The following HEXD variants were observed in gnomAD, a reference collection of about 807,000 sequenced individuals.
HEXD encodes the protein N-acetyl-beta-galactosaminidase.
HEXD carries 47 observed loss-of-function variants against 54.2 expected under a neutral mutation model. The ratio of observed to expected loss-of-function variants is 0.87; its 90% CI spans 0.69 to 1.11. The LOEUF (loss-of-function observed/expected upper bound fraction) is 1.11, where lower values mean the gene tolerates loss of function less well. HEXD is among the 50% of genes least tolerant of loss of function. The pLI is 0.00. For synonymous variants in HEXD, 293 were observed against 287.6 expected, an observed-to-expected ratio of 1.02 and a Z score of -0.19; for missense variants, 576 against 649.2, an observed-to-expected ratio of 0.89 and a Z score of 1.23.
Position 82,435,732 on chromosome 17 carries a change from A to G in HEXD, c.491A>G (p.Gln164Arg), listed in dbSNP as rs775988654. 1 of 1,612,772 alleles carries G rather than the reference A, an allele frequency of 6.2e-7. No individual in the cohort carries two copies. Among genetic ancestry groups the G allele is most frequent in the African/African-American group, 1.3e-5 (1 of 74,926 alleles). Residue 164 changes from glutamine (Q) to arginine (R), a missense_variant, in exon 6 of 13, where the codon CAG (glutamine) becomes CGG (arginine). Physicochemically the swap from Gln to Arg is conservative, Grantham distance 43. Coordinates refer to ENST00000327949, the MANE Select transcript of HEXD (RefSeq NM_001330542.2). Reference sequence around the variant, plus strand: ...GGGGAGGCCTCGCGCCGGTGGCTACAGCAAGAGCAGAACAGCACGGGGAAG... The same window carrying G: ...GGGGAGGCCTCGCGCCGGTGGCTACGGCAAGAGCAGAACAGCACGGGGAAG... ...GEGEASRRWLQQEQNSTGKLC... is the reference protein window; with the variant it reads ...GEGEASRRWLRQEQNSTGKLC...
intron 4 of HEXD, 142 bp from the exon 5 acceptor site, chr17:82,433,516 G>T (rs2053670529): frequency 1.4e-6 from 1 of 733,276 alleles, no homozygotes; most frequent in Non-Finnish European, 2.1e-6. Context: ...CCCACAAGGT[G>T]CTGGGATTAC....
intron 9 of HEXD, chr17:82,440,293 G>A (rs1267771035): frequency 4.7e-5 from 60 of 1,272,420 alleles, no homozygotes; most frequent in East Asian, 1.1e-4. Flanking sequence ...CGCGGAGAGC[G>A]GGACCCGCAG....
At position 82,433,810 on chromosome 17, in the gene HEXD, C is replaced by T. The variant is rs755432793; in HGVS notation, c.435C>T (p.Ile145=). The T allele has an allele frequency of 3.5e-5, 57 of 1,612,010 alleles. No homozygotes were observed. The highest frequency in any genetic ancestry group is 1.6e-4 in the Middle Eastern group (1 of 6,076). The change falls in exon 5 of 13, where the codon ATC becomes ATT. Residue 145 remains isoleucine (I), a synonymous_variant. Transcript: ENST00000327949. ...ACCCAGGCGCCCAGCGGCTGCACATCGGGTGTGATGAGGTGGGTACTGTCA... is the reference window on the plus strand; with the variant it reads ...ACCCAGGCGCCCAGCGGCTGCACATTGGGTGTGATGAGGTGGGTACTGTCA... The part of the protein sequence containing the change: ...ELHPGAQRLH[I]GCDEVYYLGE...
intron 4 of HEXD, among the ~76,000 whole-genome samples, chr17:82,432,616 G>A (rs538431914): frequency 8.4e-4 from 127 of 151,932 alleles, no homozygotes; most frequent in Non-Finnish European, 1.4e-3. Flanking sequence ...TCACTCTGTC[G>A]CCCAGGCTGG....
intron 9 of HEXD, chr17:82,440,448 G>C: frequency 1.6e-6 from 1 of 622,388 alleles, no homozygotes; most frequent in Non-Finnish European, 2.3e-6. Context: ...CTAAAGAGCT[G>C]TGTTAATATT....
At chr17:82,437,106 G>A (rs2053792258) in intron 7 of HEXD, 62 bp from the exon 8 acceptor site, 12 of 1,416,920 alleles carry the variant, frequency 8.5e-6, no homozygotes, top group Admixed American at 2.0e-5. Flanking sequence ...CCCGGGAGGC[G>A]TGTCCAGGGC....
chr17:82,435,950 T>TA (rs2053749761), intron 6 of HEXD, 78 bp downstream of exon 6: 3 of 1,444,588 alleles, frequency 2.1e-6, no homozygotes, highest in Non-Finnish European at 2.8e-6. Context: ...GAAGGTGCTG[T>TA]AGGAAGTGGG....
intron 9 of HEXD, chr17:82,440,389 G>C: frequency 9.3e-7 from 1 of 1,070,094 alleles, no homozygotes; most frequent in Non-Finnish European, 1.2e-6. Context: ...ACTCTCAACT[G>C]CTTAGAAAGG....
In HEXD at chr17:82,424,286, C is replaced by T. The variant is rs185900627; in HGVS notation, c.85-108C>T. ...TTCCCAGGAGAAATAGAAGTAGCAA[C>T]TCCCACAGTCTCCACAGGCTGAAAG... is the stretch of plus-strand genomic sequence containing the variant. On this transcript the variant is annotated intron_variant, in intron 2 of 12. Coordinates refer to ENST00000327949, the MANE Select transcript of HEXD (RefSeq NM_001330542.2). 23 of 725,584 alleles carry T rather than the reference C, an allele frequency of 3.2e-5. No homozygotes were observed. In the African/African-American group the frequency reaches 3.7e-4, roughly 12 times the overall value. 44.9% of individuals were successfully genotyped at this position (725,584 alleles called of 1,614,324 possible). A position where few individuals can be genotyped will look rare whatever the true frequency, so the allele number is the denominator to read the frequency against.
chr17:82,422,238 G>A (rs1446585335), intron 2 of HEXD, among the ~76,000 whole-genome samples: 1 of 151,542 alleles, frequency 6.6e-6, no homozygotes, highest in Non-Finnish European at 1.5e-5. Context: ...CAGACACACA[G>A]GCCCACCCAG....
At chr17:82,441,536 G>A (rs1397054570) in intron 11 of HEXD, among the ~76,000 whole-genome samples, 1 of 147,416 alleles carries the variant, frequency 6.8e-6, no homozygotes, top group African/African-American at 2.5e-5. Context: ...GCAGGTGTGG[G>A]TAAGCGGGAA....
Position 82,440,087 on chromosome 17 carries a change from G to A in HEXD, c.982+374G>A, listed in dbSNP as rs76706865. ...CAGGCGCCCGGCCCTGGAAGGCCCCGCACCCTGGACCCAGCACTCACACTT... is the reference window on the plus strand; with the variant it reads ...CAGGCGCCCGGCCCTGGAAGGCCCCACACCCTGGACCCAGCACTCACACTT... On this transcript the variant is annotated intron_variant, in intron 9 of 12. Coordinates refer to ENST00000327949, the MANE Select transcript of HEXD (RefSeq NM_001330542.2). The A allele has an allele frequency of 5.0e-4, 646 of 1,298,572 alleles. 6 individuals are homozygous for A. The East Asian group carries it at 0.017, about 34-fold the overall frequency. 80.4% of individuals were successfully genotyped at this position (1,298,572 alleles called of 1,614,324 possible).
chr17:82,427,618 TC>T (rs1276857669), intron 3 of HEXD, among the ~76,000 whole-genome samples: 3 of 152,208 alleles, frequency 2.0e-5, no homozygotes, highest in Admixed American at 6.5e-5. Flanking sequence ...CTAGTTTTCT[TC>T]CTACAGTGAA....
At chr17:82,420,083 G>GA (rs939034680) in intron 2 of HEXD, 200 bp downstream of exon 2, 8,349 of 296,022 alleles carry the variant, frequency 0.028, no homozygotes, top group East Asian at 0.04. Flanking sequence ...TGACAAAAGG[G>GA]AAAAAAAAAA....
chr17:82,424,613 C>CTG, intron 3 of HEXD, 110 bp downstream of exon 3: 1 of 700,274 alleles, frequency 1.4e-6, no homozygotes, highest in Non-Finnish European at 2.6e-6. Flanking sequence ...CAGTCAGGAA[C>CTG]TGAACAGTGG....
rs775802905 is a variant in HEXD, at chr17:82,435,786, C to G, written c.545C>G (p.Ala182Gly). Residue 182 changes from alanine (A) to glycine (G), a missense_variant, in exon 6 of 13, where the codon GCC becomes GGC. By Grantham distance (60) the Ala-to-Gly change is moderately conservative. Transcript: ENST00000327949. Reference protein sequence around the residue: ...KLCLSHMRAVASGVKARRPSV... With the variant: ...KLCLSHMRAVGSGVKARRPSV... ...TGCCTGTCACACATGCGGGCGGTGG[C>G]CAGCGGCGTGAAGGCCCGGCGCCCC... 2 of 1,612,842 alleles carry G rather than the reference C, an allele frequency of 1.2e-6. No homozygotes were observed. The highest frequency in any genetic ancestry group is 1.1e-5 in the South Asian group (1 of 91,084).
At chr17:82,433,633 C>G (rs765366851) in intron 4 of HEXD, 25 bp from the exon 5 acceptor site, 1 of 1,526,596 alleles carries the variant, frequency 6.6e-7, no homozygotes, top group Non-Finnish European at 8.8e-7. Flanking sequence ...CCGCCCCCAA[C>G]GCGAACTTCT....
intron 3 of HEXD, chr17:82,427,917 A>G (rs4789772): frequency 0.5 from 76,687 of 152,136 alleles, 21,069 homozygotes; most frequent in East Asian, 0.9. Context: ...CAGGTTGAGG[A>G]CCCTGTGGTG....
rs929387794 is a variant in HEXD at position 82,434,207 on chromosome 17, C to T, written c.447+385C>T. 4.6e-5 allele frequency among the ~76,000 whole-genome samples: 7 copies of T among 152,344 alleles called. No homozygotes were observed. The highest frequency in any genetic ancestry group is 6.8e-3 in the Middle Eastern group (2 of 294). On this transcript the variant is annotated intron_variant, in intron 5 of 12. Coordinates refer to ENST00000327949, the MANE Select transcript of HEXD (RefSeq NM_001330542.2). The surrounding 1 kb of genome is among the most constrained non-coding windows in gnomAD (Gnocchi z 4.5). The stretch of plus-strand genomic sequence containing the variant: ...AGTGAGCATAAGTCAGGGTGTAACT[C>T]GAGGGACACCCTTTTGTTGCTGAGA...
Sources: gnomAD v4.1 joint callset for allele counts (sites outside exome capture counted in the v4.1 genomes callset) on GRCh38, gnomAD v4.1.1 for gene constraint, Gnocchi (gnomAD v3.1) non-coding constraint, MANE v1.5 for transcripts, NCBI Gene and HGNC (gene_info 2026-07-23, HGNC 2026-07-21) for gene names.